Variants in DBR1 observed in about 807,000 individuals in gnomAD.
DBR1 encodes the protein debranching RNA lariats 1, also known as lariat debranching enzyme.
In DBR1, 33 loss-of-function variants were observed where a neutral mutation model predicts 45.9. The observed-to-expected ratio is 0.72, with a 90% CI of 0.55 to 0.96. The LOEUF is 0.96. Ranked by LOEUF, DBR1 falls within the 40% of genes least tolerant of loss-of-function variation. DBR1 has a pLI of 0.00. For synonymous variants in DBR1, 235 were observed against 235.9 expected (o/e 1.00, Z 0.04); for missense variants, 619 against 667.4 (o/e 0.93, Z 0.80).
At chr3:138,166,277 A>G (rs1251285276) in intron 5 of DBR1, among the ~76,000 whole-genome samples, 1 of 152,164 alleles carries the variant, frequency 6.6e-6, no homozygotes, top group Non-Finnish European at 1.5e-5. Context: ...ACTTCCATAG[A>G]AGTTTCATTA....
At chr3:138,163,003 A>T (rs544629848) in intron 7 of DBR1, among the ~76,000 whole-genome samples, 1 of 152,350 alleles carries the variant, frequency 6.6e-6, no homozygotes, top group Non-Finnish European at 1.5e-5. Context: ...CACGCCTGTA[A>T]TCCCAGTACT....
Sources: allele counts gnomAD v4.1 joint callset (sites outside exome capture counted in the v4.1 genomes callset), GRCh38; gene constraint gnomAD v4.1.1; transcripts MANE v1.5; gene names NCBI Gene and HGNC (gene_info 2026-07-23, HGNC 2026-07-21).